CCDC172: variants seen among roughly 807,000 people sequenced by gnomAD.
CCDC172 encodes coiled-coil domain containing 172.
CCDC172 carries 30 observed loss-of-function variants against 38.0 expected under a neutral mutation model. The observed-to-expected ratio is 0.79, with a 90% CI of 0.59 to 1.07. The LOEUF (loss-of-function observed/expected upper bound fraction) is 1.07, where lower values mean the gene tolerates loss of function less well. Among genes scored for constraint, CCDC172 ranks in the 50% least tolerant of loss-of-function variants. CCDC172 has a pLI of 0.00. For missense variants in CCDC172, 297 were observed against 290.1 expected, an observed-to-expected ratio of 1.02 and a Z score of -0.17; for synonymous variants, 78 against 88.3, an observed-to-expected ratio of 0.88 and a Z score of 0.66.
intron 5 of CCDC172, among the ~76,000 whole-genome samples, chr10:116,343,698 C>T (rs1382170138): frequency 4.6e-5 from 7 of 151,992 alleles, no homozygotes; most frequent in African/African-American, 1.2e-4. Flanking sequence ...GTGGGTCTCA[C>T]GTGAATCCTA....
In CCDC172 at chr10:116,345,771, A is replaced by T. The variant is rs1282865361; in HGVS notation, c.448+3570A>T. ...GTGATATATCACTGTATATCCACTT[A>T]ATTAAAGTTAAAAAGACTGACCATA... On this transcript the variant is annotated intron_variant, in intron 5 of 8. Coordinates refer to ENST00000333254, the MANE Select transcript of CCDC172 (RefSeq NM_198515.3). Among the ~76,000 whole-genome samples the T allele has an allele frequency of 2.0e-5, 3 of 152,310 alleles. No individual in the cohort carries two copies. The East Asian group carries it at 5.8e-4, about 29-fold the overall frequency.
At chr10:116,365,874 CAT>C (rs1311828221) in intron 7 of CCDC172, among the ~76,000 whole-genome samples, 1 of 152,120 alleles carries the variant, frequency 6.6e-6, no homozygotes. Flanking sequence ...AGTACAGTAA[CAT>C]GTGGTACAGG....
intron 5 of CCDC172, among the ~76,000 whole-genome samples, chr10:116,347,072 G>A (rs1190222259): frequency 1.3e-5 from 2 of 150,470 alleles, no homozygotes; most frequent in African/African-American, 4.9e-5. Flanking sequence ...GAGTGTAGAT[G>A]TCAATTAGAT....
intron 5 of CCDC172, among the ~76,000 whole-genome samples, chr10:116,353,488 G>A (rs1297926235): frequency 6.6e-6 from 1 of 152,064 alleles, no homozygotes; most frequent in Non-Finnish European, 1.5e-5. Context: ...TCATATATAA[G>A]GGACTTGTAT....
intron 5 of CCDC172, among the ~76,000 whole-genome samples, chr10:116,356,158 C>CGTCTCTAT (rs1001404490): frequency 1.3e-5 from 2 of 151,902 alleles, no homozygotes; most frequent in African/African-American, 4.8e-5. Flanking sequence ...TGGTGAAACC[C>CGTCTCTAT]GTCTCTATTA....
At chr10:116,371,333 G>C (rs1156635873) in intron 7 of CCDC172, among the ~76,000 whole-genome samples, 1 of 151,518 alleles carries the variant, frequency 6.6e-6, no homozygotes, top group South Asian at 2.1e-4. Flanking sequence ...ATATTAATAT[G>C]GTCAATTATA....
At chr10:116,355,462 A>G (rs1844984798) in intron 5 of CCDC172, among the ~76,000 whole-genome samples, 1 of 152,174 alleles carries the variant, frequency 6.6e-6, no homozygotes. Context: ...ACATAATCAC[A>G]TAAGGACTTT....
intron 5 of CCDC172, among the ~76,000 whole-genome samples, chr10:116,355,485 T>C (rs573389966): frequency 5.3e-5 from 8 of 152,140 alleles, no homozygotes; most frequent in East Asian, 1.9e-4. Flanking sequence ...TCTCAGAACA[T>C]ATCCCTGTTG....
chr10:116,339,429 TTATA>T (rs1844767578), intron 3 of CCDC172, among the ~76,000 whole-genome samples: 1 of 151,964 alleles, frequency 6.6e-6, no homozygotes. Context: ...TTTCCCCTTG[TTATA>T]AATTTCTATA....
At chr10:116,333,835 T>C (rs1223864877) in intron 3 of CCDC172, among the ~76,000 whole-genome samples, 1 of 152,134 alleles carries the variant, frequency 6.6e-6, no homozygotes, top group Admixed American at 6.6e-5. Context: ...GACTGTGGAC[T>C]TTGGAACAGG....
intron 5 of CCDC172, among the ~76,000 whole-genome samples, chr10:116,356,859 C>A (rs1180776844): frequency 1.3e-5 from 2 of 152,016 alleles, no homozygotes; most frequent in East Asian, 3.9e-4. Flanking sequence ...ATTTTGAATT[C>A]TCTTTTGGTA....
At chr10:116,368,124 G>C (rs1317001764) in intron 7 of CCDC172, among the ~76,000 whole-genome samples, 2 of 151,916 alleles carry the variant, frequency 1.3e-5, no homozygotes, top group Non-Finnish European at 2.9e-5. Flanking sequence ...TTTCATTTTT[G>C]GTAATGTTAA....
rs1845011661 is a variant in CCDC172 at position 116,357,394 on chromosome 10, GA to G, written c.465del (p.Glu155AspfsTer7). On this transcript the variant is annotated frameshift_variant, in exon 6 of 9. Transcript: ENST00000333254. LOFTEE classifies it high-confidence loss of function. ...TCTGTTTCTAGAAATGAAGTCAATGGAACATGATAGTAGCCAGTTAAATGAA... is the reference window on the plus strand; with the variant it reads ...TCTGTTTCTAGAAATGAAGTCAATGGACATGATAGTAGCCAGTTAAATGAA... ...NMLKSEMKSM[E>X]HDSSQLNELQ... 6.4e-7 allele frequency: 1 copy of G among 1,562,888 alleles called. No homozygotes were observed. Among genetic ancestry groups the G allele is most frequent in the East Asian group, 2.4e-5 (1 of 42,040 alleles).
chr10:116,361,504 G>A (rs187363018), intron 7 of CCDC172, among the ~76,000 whole-genome samples: 8 of 152,310 alleles, frequency 5.3e-5, no homozygotes, highest in South Asian at 2.1e-4. Context: ...GAATAAATCT[G>A]CATAGGCAAC....
chr10:116,361,052 A>C (rs939797783), intron 7 of CCDC172, among the ~76,000 whole-genome samples: 1 of 136,772 alleles, frequency 7.3e-6, no homozygotes, highest in South Asian at 2.2e-4. Context: ...TATTATTATT[A>C]TTATTATTAT....
intron 5 of CCDC172, among the ~76,000 whole-genome samples, chr10:116,347,532 T>A (rs1844882178): frequency 6.6e-6 from 1 of 151,934 alleles, no homozygotes; most frequent in African/African-American, 2.4e-5. Flanking sequence ...TGATTGTTTT[T>A]AAAAAGGCGA....
intron 6 of CCDC172, 63 bp downstream of exon 6, chr10:116,357,544 C>A: frequency 2.4e-6 from 3 of 1,269,000 alleles, no homozygotes; most frequent in East Asian, 2.9e-5. Context: ...ATGATAAGGG[C>A]ATATTATTCT....
intron 5 of CCDC172, among the ~76,000 whole-genome samples, chr10:116,346,975 A>C (rs575952405): frequency 6.6e-6 from 1 of 152,286 alleles, no homozygotes; most frequent in African/African-American, 2.4e-5. Flanking sequence ...CTTAAACTGG[A>C]CTAGGAAGTT....
chr10:116,327,601 T>C (rs1426978538), intron 3 of CCDC172, among the ~76,000 whole-genome samples: 6 of 152,118 alleles, frequency 3.9e-5, no homozygotes, highest in Admixed American at 3.9e-4. Context: ...TTTAGAAACA[T>C]TTGTTGAAAT....
Sources: allele counts gnomAD v4.1 joint callset (sites outside exome capture counted in the v4.1 genomes callset), GRCh38; gene constraint gnomAD v4.1.1; transcripts MANE v1.5; gene names NCBI Gene and HGNC (gene_info 2026-07-23, HGNC 2026-07-21).